Variants in TMCC3 observed in about 807,000 individuals in gnomAD.
TMCC3 encodes the protein transmembrane and coiled-coil domain protein 3.
Under a neutral mutation model 40.2 loss-of-function variants are expected in TMCC3, and 28 were observed. The observed-to-expected ratio is 0.70, with a 90% CI of 0.52 to 0.95. The LOEUF is 0.95. TMCC3 is among the 40% of genes least tolerant of loss of function. The pLI, the probability that TMCC3 is intolerant of heterozygous loss-of-function variation, is 0.00. For synonymous variants in TMCC3, 255 were observed against 248.5 expected, an observed-to-expected ratio of 1.03 and a Z score of -0.25; for missense variants, 554 against 615.2, an observed-to-expected ratio of 0.90 and a Z score of 1.05.
intron 1 of TMCC3, among the ~76,000 whole-genome samples, chr12:94,646,234 G>A (rs558529118): frequency 7.2e-5 from 11 of 152,116 alleles, no homozygotes; most frequent in African/African-American, 2.2e-4. Flanking sequence ...AGAAAGGTGC[G>A]GTGGTATTGC....
chr12:94,597,413 T>C (rs1177864207), intron 1 of TMCC3, among the ~76,000 whole-genome samples: 3 of 152,098 alleles, frequency 2.0e-5, no homozygotes, highest in Non-Finnish European at 4.4e-5. Context: ...TAGGGACCGT[T>C]GTAATTGTGG....
intron 1 of TMCC3, among the ~76,000 whole-genome samples, chr12:94,643,189 T>TAA (rs61336218): frequency 4.0e-5 from 6 of 148,232 alleles, no homozygotes; most frequent in South Asian, 2.1e-4. Context: ...AGACTCTGTC[T>TAA]AAAAAAAAAA....
chr12:94,604,301 AC>A (rs2068769630), intron 1 of TMCC3, among the ~76,000 whole-genome samples: 1 of 152,230 alleles, frequency 6.6e-6, no homozygotes, highest in Non-Finnish European at 1.5e-5. Context: ...GGGCTTGCTT[AC>A]TTAGACCAAA....
intron 1 of TMCC3, among the ~76,000 whole-genome samples, chr12:94,643,875 C>T (rs964135015): frequency 3.3e-5 from 5 of 152,220 alleles, no homozygotes; most frequent in African/African-American, 1.2e-4. Flanking sequence ...CTAGCTCTAC[C>T]ATAGTTTCCT....
intron 1 of TMCC3, among the ~76,000 whole-genome samples, chr12:94,607,120 C>T (rs2651959): frequency 0.68 from 103,707 of 152,042 alleles, 35,747 homozygotes; most frequent in Middle Eastern, 0.74. Context: ...TTCAGCGATA[C>T]CCTCTTACTT....
intron 1 of TMCC3, among the ~76,000 whole-genome samples, chr12:94,599,746 A>C (rs2068741415): frequency 6.6e-6 from 1 of 152,086 alleles, no homozygotes; most frequent in Admixed American, 6.6e-5. Flanking sequence ...TAAAACTAGG[A>C]CTCTGAAGTA....
In TMCC3 at chr12:94,624,456, T is replaced by C. The variant is rs142604285; in HGVS notation, c.78+25897A>G. Among the ~76,000 whole-genome samples the C allele has an allele frequency of 3.4e-3, 513 of 152,286 alleles. 5 individuals are homozygous for C. The highest frequency in any genetic ancestry group is 0.012 in the African/African-American group (495 of 41,558). On this transcript the variant is annotated intron_variant, in intron 1 of 3. Coordinates refer to ENST00000261226, the MANE Select transcript of TMCC3 (RefSeq NM_020698.4). Reference sequence around the variant, plus strand: ...GGCCAGGCATGGTGGCTCATGCCTGTAATCCCAGCACTTTGGGAGGCTGAG... The same window carrying C: ...GGCCAGGCATGGTGGCTCATGCCTGCAATCCCAGCACTTTGGGAGGCTGAG...
intron 3 of TMCC3, among the ~76,000 whole-genome samples, chr12:94,574,500 T>A (rs2068552551): frequency 6.6e-6 from 1 of 152,206 alleles, no homozygotes; most frequent in Non-Finnish European, 1.5e-5. Context: ...TTCTAACTCA[T>A]TTGCCCATCT....
intron 1 of TMCC3, among the ~76,000 whole-genome samples, chr12:94,606,761 G>A (rs371918459): frequency 1.4e-4 from 21 of 151,986 alleles, no homozygotes; most frequent in African/African-American, 5.1e-4. Flanking sequence ...AAGGGGAGGG[G>A]GTGTACGAAC....
intron 1 of TMCC3, among the ~76,000 whole-genome samples, chr12:94,590,327 T>A (rs7137393): frequency 0.63 from 90,665 of 143,902 alleles, 28,731 homozygotes; most frequent in Admixed American, 0.66. Context: ...GCTGGTCTTG[T>A]ACTCCTGGCT....
chr12:94,649,437 G>A (rs1488668021), intron 1 of TMCC3, among the ~76,000 whole-genome samples: 1 of 152,210 alleles, frequency 6.6e-6, no homozygotes, highest in African/African-American at 2.4e-5. Flanking sequence ...TCGGACAAGC[G>A]AGTAAGTAGT....
intron 1 of TMCC3, among the ~76,000 whole-genome samples, chr12:94,623,935 G>A (rs1274449390): frequency 6.6e-6 from 1 of 152,212 alleles, no homozygotes; most frequent in Non-Finnish European, 1.5e-5. Context: ...TAGTAAGAAG[G>A]AATGTGGCAA....
intron 1 of TMCC3, among the ~76,000 whole-genome samples, chr12:94,594,848 A>G (rs535980980): frequency 6.6e-6 from 1 of 152,314 alleles, no homozygotes; most frequent in Non-Finnish European, 1.5e-5. Flanking sequence ...ACCTGTACTT[A>G]GTGTAAGTTT....
At chr12:94,578,146 C>CAAAAAAAA (rs1183420863) in intron 3 of TMCC3, among the ~76,000 whole-genome samples, 33 of 34,660 alleles carry the variant, frequency 9.5e-4, no homozygotes, top group African/African-American at 3.6e-3. Context: ...AGACTCACCT[C>CAAAAAAAA]AAAAAAAAAA....
intron 1 of TMCC3, among the ~76,000 whole-genome samples, chr12:94,625,361 G>C (rs1229917889): frequency 6.6e-6 from 1 of 151,786 alleles, no homozygotes; most frequent in Non-Finnish European, 1.5e-5. Context: ...GCTGAGGTAG[G>C]CAGATCACCT....
chr12:94,635,645 T>C (rs572000634), intron 1 of TMCC3, among the ~76,000 whole-genome samples: 12 of 151,192 alleles, frequency 7.9e-5, no homozygotes, highest in African/African-American at 2.9e-4. Flanking sequence ...TGCCTGTTTT[T>C]GTGTGTGTAT....
chr12:94,577,727 A>G (rs2068574057), intron 3 of TMCC3, among the ~76,000 whole-genome samples: 1 of 151,954 alleles, frequency 6.6e-6, no homozygotes, highest in Non-Finnish European at 1.5e-5. Flanking sequence ...CACACTCTCC[A>G]CCTAGGCAGT....
At chr12:94,596,885 C>T (rs931215887) in intron 1 of TMCC3, among the ~76,000 whole-genome samples, 2 of 152,116 alleles carry the variant, frequency 1.3e-5, no homozygotes, top group African/African-American at 4.8e-5. Flanking sequence ...GACCGAACCA[C>T]GAATGGTTCA....
intron 1 of TMCC3, among the ~76,000 whole-genome samples, chr12:94,612,720 G>C (rs368285380): frequency 1.1e-4 from 17 of 152,218 alleles, no homozygotes; most frequent in Non-Finnish European, 2.2e-4. Flanking sequence ...AGAAGACAAA[G>C]CAAGACAGAA....
Sources: allele counts gnomAD v4.1 joint callset (sites outside exome capture counted in the v4.1 genomes callset), GRCh38; gene constraint gnomAD v4.1.1; transcripts MANE v1.5; gene names NCBI Gene and HGNC (gene_info 2026-07-23, HGNC 2026-07-21).